TMCO6: variants seen among roughly 807,000 people sequenced by gnomAD.
TMCO6 encodes the protein transmembrane and coiled-coil domain-containing protein 6.
TMCO6 carries 47 observed loss-of-function variants against 61.8 expected under a neutral mutation model. The observed-to-expected ratio is 0.76, with a 90% CI of 0.60 to 0.97. The LOEUF is 0.97. TMCO6 is among the 50% of genes least tolerant of loss of function. TMCO6 has a pLI of 0.00. For synonymous variants in TMCO6, 261 were observed against 254.2 expected (o/e 1.03, Z -0.25); for missense variants, 557 against 601.6 (o/e 0.93, Z 0.78).
chr5:140,643,684 A>C lies in TMCO6; in HGVS notation c.918+9A>C, dbSNP rs1269181246. On this transcript the variant is annotated intron_variant, in intron 8 of 11. Transcript: ENST00000394671. ...ATGCAGGACTGGAGCTGGTAGGTGA[A>C]GATGTCAGGTGAAATTCTGGGAGAT... 1.2e-6 allele frequency: 2 copies of C among 1,608,420 alleles called. No individual in the cohort carries two copies. Among genetic ancestry groups the C allele is most frequent in the South Asian group, 1.1e-5 (1 of 90,650 alleles).
the TMCO6 span, among the ~76,000 whole-genome samples, chr5:140,607,027 C>T: frequency 6.6e-6 from 1 of 150,652 alleles, no homozygotes; most frequent in East Asian, 1.9e-4. Context: ...TGGAAAAAAC[C>T]TTATAGACTA....
upstream of TMCO6, among the ~76,000 whole-genome samples, chr5:140,636,012 G>T (rs1341314854): frequency 6.6e-6 from 1 of 152,104 alleles, no homozygotes; most frequent in African/African-American, 2.4e-5. Flanking sequence ...TATTGTTGTT[G>T]TTTTAGATGG....
the TMCO6 span, chr5:140,609,344 CAGG>C: frequency 3.9e-6 from 1 of 256,156 alleles, no homozygotes; most frequent in Non-Finnish European, 8.4e-6. Flanking sequence ...CAACAGGAAG[CAGG>C]AGGAGCTGAG....
At chr5:140,600,691 C>T in the TMCO6 span, among the ~76,000 whole-genome samples, 5 of 152,098 alleles carry the variant, frequency 3.3e-5, no homozygotes, top group Non-Finnish European at 7.4e-5. Context: ...TCTCAAGCTC[C>T]TGACCTCATG....
chr5:140,637,940 C>T (rs534252854), upstream of TMCO6, among the ~76,000 whole-genome samples: 54 of 151,114 alleles, frequency 3.6e-4, no homozygotes, highest in South Asian at 4.8e-3. Context: ...TTCCCTTCCT[C>T]CTTTCCTCTT....
At chr5:140,604,960 A>G in the TMCO6 span, among the ~76,000 whole-genome samples, 1 of 152,138 alleles carries the variant, frequency 6.6e-6, no homozygotes, top group Admixed American at 6.5e-5. Flanking sequence ...AAGTCTTCCA[A>G]TGCATAAACA....
At position 140,642,964 on chromosome 5, in the gene TMCO6, A is replaced by G. The variant is rs747018575; in HGVS notation, c.729A>G (p.Gln243=). 2.5e-6 allele frequency: 4 copies of G among 1,613,962 alleles called. No homozygotes were observed. The highest frequency in any genetic ancestry group is 3.4e-6 in the Non-Finnish European group (4 of 1,180,022). The change falls in exon 7 of 12, where the codon CAA becomes CAG. Residue 243 remains glutamine, a synonymous_variant. Transcript: ENST00000394671. The part of the protein sequence containing the change: ...LASTLPQHML[Q]MLQPGPKLNP... ...CCACTCTCCCTCAGCACATGCTACA[A>G]ATGTTGCAACCTGGCCCAAAGCTCA...
chr5:140,603,678 GT>G, the TMCO6 span, among the ~76,000 whole-genome samples: 197 of 150,484 alleles, frequency 1.3e-3, 1 homozygote, highest in African/African-American at 4.1e-3. Context: ...AATATTTGGG[GT>G]TTTTTTTTGC....
chr5:140,628,624 A>G, the TMCO6 span, among the ~76,000 whole-genome samples: 1 of 152,080 alleles, frequency 6.6e-6, no homozygotes, highest in African/African-American at 2.4e-5. Context: ...TTTGCAGTAG[A>G]GACAGGTTTC....
Position 140,642,942 on chromosome 5 carries a change from C to G in TMCO6, c.707C>G (p.Thr236Ser). Residue 236 changes from threonine to serine, a missense_variant, in exon 7 of 12, where the codon ACT (threonine) becomes AGT (serine). Coordinates refer to ENST00000394671, the MANE Select transcript of TMCO6 (RefSeq NM_018502.5). Reference protein sequence around the residue: ...EKIIPSILASTLPQHMLQMLQ... With the variant: ...EKIIPSILASSLPQHMLQMLQ... ...GCCAGCAGCTCCATCTTGGCCTCCA[C>G]TCTCCCTCAGCACATGCTACAAATG... The G allele has an allele frequency of 6.2e-7, 1 of 1,614,226 alleles. No individual in the cohort carries two copies. Among genetic ancestry groups the G allele is most frequent in the Middle Eastern group, 1.7e-4 (1 of 6,052 alleles).
chr5:140,643,582 G>C lies in TMCO6; in HGVS notation c.825G>C (p.Leu275=). The C allele has an allele frequency of 6.2e-7, 1 of 1,614,070 alleles. No homozygotes were observed. The highest frequency in any genetic ancestry group is 8.5e-7 in the Non-Finnish European group (1 of 1,180,038). ...TGCCCAGCCAGGTCAGCAATCCTCT[G>C]CTCATTGGCCATGGGGCTCTGTCTA... ...YIICSQVSNP[L]LIGHGALSTL... is the part of the protein sequence containing the mutation. The change falls in exon 8 of 12, where the codon CTG becomes CTC. Residue 275 remains leucine, a synonymous_variant. Coordinates refer to ENST00000394671, the MANE Select transcript of TMCO6 (RefSeq NM_018502.5).
the TMCO6 span, among the ~76,000 whole-genome samples, chr5:140,598,705 C>T: frequency 6.6e-6 from 1 of 152,270 alleles, no homozygotes; most frequent in East Asian, 1.9e-4. Context: ...GAGGCCAAGG[C>T]AGATGGATCA....
chr5:140,621,973 A>G, the TMCO6 span, among the ~76,000 whole-genome samples: 1 of 152,112 alleles, frequency 6.6e-6, no homozygotes, highest in Non-Finnish European at 1.5e-5. Flanking sequence ...GGTGCCCGAA[A>G]CTTCATTAAC....
At chr5:140,611,511 T>C in the TMCO6 span, among the ~76,000 whole-genome samples, 9 of 152,318 alleles carry the variant, frequency 5.9e-5, no homozygotes, top group East Asian at 3.9e-4. Context: ...GTTGTTAGAA[T>C]AGAAATGATT....
At chr5:140,647,633 C>G (rs143857164), downstream of TMCO6, 3 of 1,586,962 alleles carry the variant, frequency 1.9e-6, no homozygotes, top group South Asian at 2.2e-5. Flanking sequence ...CCAAGTGCTC[C>G]GGTCTGACCA....
chr5:140,605,975 G>T, the TMCO6 span, among the ~76,000 whole-genome samples: 1 of 151,986 alleles, frequency 6.6e-6, no homozygotes, highest in Non-Finnish European at 1.5e-5. Context: ...TACCTAATTT[G>T]TTGGCATATC....
intron 11 of TMCO6, 103 bp from the exon 12 acceptor site, chr5:140,644,879 CTTG>C: frequency 6.7e-7 from 1 of 1,503,356 alleles, no homozygotes; most frequent in African/African-American, 1.4e-5. Context: ...ACTTCATCCT[CTTG>C]TTGGGGAATG....
the TMCO6 span, chr5:140,632,801 GGCATGGATCT>G: frequency 6.2e-7 from 1 of 1,613,760 alleles, no homozygotes; most frequent in Non-Finnish European, 8.5e-7. This position sits in a 1 kb window ranked among gnomAD's most constrained non-coding sequence, Gnocchi z 6.2. Context: ...TGAGACCGCC[GGCATGGATCT>G]CCACCTCTAC....
chr5:140,634,482 CTTTT>C (rs1221427030), upstream of TMCO6, among the ~76,000 whole-genome samples: 6 of 110,890 alleles, frequency 5.4e-5, no homozygotes, highest in Admixed American at 2.1e-4. Context: ...ATATGAAAGT[CTTTT>C]TTTTTTTTTT....
Sources: gnomAD v4.1 joint callset for allele counts (sites outside exome capture counted in the v4.1 genomes callset) on GRCh38, gnomAD v4.1.1 for gene constraint, Gnocchi (gnomAD v3.1) non-coding constraint, MANE v1.5 for transcripts, NCBI Gene and HGNC (gene_info 2026-07-23, HGNC 2026-07-21) for gene names.